Variants in OPCML observed in about 807,000 individuals in gnomAD.
OPCML encodes the protein opioid-binding protein/cell adhesion molecule.
A neutral mutation model predicts 37.8 loss-of-function variants in OPCML; 13 were observed. The observed-to-expected ratio is 0.34, with a 90% confidence interval of 0.22 to 0.55. The LOEUF (loss-of-function observed/expected upper bound fraction) is 0.55, where lower values mean the gene tolerates loss of function less well. Among genes scored for constraint, OPCML ranks in the 20% least tolerant of loss-of-function variants. The pLI, the probability that OPCML is intolerant of heterozygous loss-of-function variation, is 0.91. For synonymous variants in OPCML, 176 were observed against 168.8 expected (o/e 1.04, Z -0.33); for missense variants, 341 against 435.6 (o/e 0.78, Z 1.93).
chr11:132,694,821 C>T (rs977335672), intron 2 of OPCML, among the ~76,000 whole-genome samples: 5 of 152,166 alleles, frequency 3.3e-5, no homozygotes, highest in African/African-American at 1.2e-4. Flanking sequence ...GCAATTCTCC[C>T]CTTCCTTCCT....
chr11:133,228,357 TGTG>T (rs528575726), intron 1 of OPCML, among the ~76,000 whole-genome samples: 158 of 152,330 alleles, frequency 1.0e-3, no homozygotes, highest in South Asian at 3.3e-3. Flanking sequence ...AAAGGTTAAA[TGTG>T]GTGAAGGTCA....
At chr11:132,739,846 C>T (rs1258502862) in intron 2 of OPCML, among the ~76,000 whole-genome samples, 1 of 152,072 alleles carries the variant, frequency 6.6e-6, no homozygotes, top group Non-Finnish European at 1.5e-5. Context: ...AAAATCAATG[C>T]CTCTCTGGAC....
At chr11:133,163,298 G>A (rs1328484313) in intron 1 of OPCML, among the ~76,000 whole-genome samples, 2 of 152,192 alleles carry the variant, frequency 1.3e-5, no homozygotes, top group African/African-American at 4.8e-5. Context: ...AGACTCTGTG[G>A]AAGTGTTTGC....
chr11:132,778,836 G>A lies in OPCML; in HGVS notation c.147-121517C>T, dbSNP rs141090235. On this transcript the variant is annotated intron_variant, in intron 2 of 7. Transcript: ENST00000524381. Reference sequence around the variant, plus strand: ...TTAGCTCTAGGCCTCCCCACTGCCCGACTTAATATTTCATTGCCAATATAA... The same window carrying A: ...TTAGCTCTAGGCCTCCCCACTGCCCAACTTAATATTTCATTGCCAATATAA... Among the ~76,000 whole-genome samples, 751 of 152,002 alleles carry A rather than the reference G, an allele frequency of 4.9e-3. 5 individuals carry two copies. The highest frequency in any genetic ancestry group is 0.012 in the Admixed American group (187 of 15,272).
chr11:132,530,551 A>G (rs2137299986), intron 3 of OPCML, among the ~76,000 whole-genome samples: 1 of 152,234 alleles, frequency 6.6e-6, no homozygotes, highest in African/African-American at 2.4e-5. Context: ...TCACCCCAGA[A>G]TGGCCTACCA....
intron 1 of OPCML, among the ~76,000 whole-genome samples, chr11:133,282,186 A>C (rs562076344): frequency 6.6e-6 from 1 of 152,176 alleles, no homozygotes; most frequent in Non-Finnish European, 1.5e-5. Flanking sequence ...GCATTTCGAA[A>C]GTCTTTGGAA....
intron 1 of OPCML, among the ~76,000 whole-genome samples, chr11:133,098,610 C>A (rs977723769): frequency 2.6e-5 from 4 of 152,122 alleles, no homozygotes; most frequent in Non-Finnish European, 5.9e-5. Context: ...ATGCATTTTA[C>A]AAAATCCAAC....
chr11:132,442,820 G>A (rs891449604), intron 4 of OPCML, among the ~76,000 whole-genome samples: 1 of 152,280 alleles, frequency 6.6e-6, no homozygotes, highest in Admixed American at 6.5e-5. Context: ...CACTATGACT[G>A]TGAGGCTTCC....
chr11:132,735,260 T>C (rs1448880188), intron 2 of OPCML, among the ~76,000 whole-genome samples: 1 of 152,018 alleles, frequency 6.6e-6, no homozygotes, highest in East Asian at 1.9e-4. Flanking sequence ...GAGAGTGTAG[T>C]TGTGAAATCT....
chr11:132,829,395 A>G (rs559043051), intron 2 of OPCML, among the ~76,000 whole-genome samples: 5 of 152,360 alleles, frequency 3.3e-5, no homozygotes, highest in Non-Finnish European at 7.3e-5. Flanking sequence ...GAAACTGAGC[A>G]TGAATGAACA....
Position 133,486,998 on chromosome 11 carries a change from CCT to C in OPCML, c.61+45264_61+45265del, listed in dbSNP as rs1947541852. Among the ~76,000 whole-genome samples, 3 of 152,020 alleles carry C rather than the reference CCT, an allele frequency of 2.0e-5. No homozygotes were observed. The South Asian group carries it at 6.2e-4, about 32-fold the overall frequency. The stretch of plus-strand genomic sequence containing the variant: ...CCAAATCCATTAGCATCCCTCAACT[CCT>C]CTGATACTGCCATATTCCAGAGCCC... On this transcript the variant is annotated intron_variant, in intron 1 of 7. Transcript: ENST00000524381.
chr11:132,854,729 T>G (rs1359870779), intron 2 of OPCML, among the ~76,000 whole-genome samples: 2 of 152,274 alleles, frequency 1.3e-5, no homozygotes, highest in Admixed American at 1.3e-4. Context: ...TTTCACTAGT[T>G]GATAGACATC....
chr11:133,264,121 TG>T (rs1318191212), intron 1 of OPCML, among the ~76,000 whole-genome samples: 2 of 152,288 alleles, frequency 1.3e-5, no homozygotes, highest in Admixed American at 1.3e-4. Context: ...GTCAACCATT[TG>T]AGTTGCTGAG....
intron 3 of OPCML, among the ~76,000 whole-genome samples, chr11:132,640,438 G>A (rs986189128): frequency 1.2e-4 from 19 of 152,084 alleles, no homozygotes; most frequent in African/African-American, 4.6e-4. Flanking sequence ...GTAAAATATG[G>A]GAGTTGTAGT....
In OPCML at chr11:132,943,251, G is replaced by A. The variant is rs1014518670; in HGVS notation, c.62-241C>T. 4.6e-6 allele frequency: 5 copies of A among 1,082,710 alleles called. No homozygotes were observed. Among genetic ancestry groups the A allele is most frequent in the Non-Finnish European group, 6.5e-6 (5 of 763,686 alleles). 67.1% of individuals were successfully genotyped at this position (1,082,710 alleles called of 1,614,324 possible). A position where few individuals can be genotyped will look rare whatever the true frequency, so the allele number is the denominator to read the frequency against. The stretch of plus-strand genomic sequence containing the variant: ...AAGAGAGGAGTCCGGGCTCTCCGGA[G>A]TCTGAGAATTCTTCCTCAGATCCTG... On this transcript the variant is annotated intron_variant, in intron 1 of 7. Transcript: ENST00000524381. The surrounding 1 kb of genome is among the most constrained non-coding windows in gnomAD (Gnocchi z 4.3).
At chr11:133,483,040 A>G (rs1947412808) in intron 1 of OPCML, among the ~76,000 whole-genome samples, 2 of 152,198 alleles carry the variant, frequency 1.3e-5, no homozygotes, top group African/African-American at 4.8e-5. Flanking sequence ...TAGAATATAC[A>G]AAGAATGCAT....
chr11:133,010,013 C>G (rs1306895587), intron 1 of OPCML, among the ~76,000 whole-genome samples: 3 of 152,182 alleles, frequency 2.0e-5, no homozygotes, highest in Non-Finnish European at 4.4e-5. Flanking sequence ...TCGCCTCCCC[C>G]TAGTCCCTTT....
intron 1 of OPCML, among the ~76,000 whole-genome samples, chr11:133,187,406 G>A (rs1331133470): frequency 1.3e-5 from 2 of 152,106 alleles, no homozygotes; most frequent in Non-Finnish European, 2.9e-5. Flanking sequence ...CAGTGCATTG[G>A]TTTCAGGCCT....
intron 2 of OPCML, among the ~76,000 whole-genome samples, chr11:132,920,466 A>G (rs1345356767): frequency 1.3e-5 from 2 of 152,146 alleles, no homozygotes; most frequent in Admixed American, 6.5e-5. Flanking sequence ...GAAAAGCTAC[A>G]TCAGTTAAAA....
Sources: gnomAD v4.1 joint callset for allele counts (sites outside exome capture counted in the v4.1 genomes callset) on GRCh38, gnomAD v4.1.1 for gene constraint, Gnocchi (gnomAD v3.1) non-coding constraint, MANE v1.5 for transcripts, NCBI Gene and HGNC (gene_info 2026-07-23, HGNC 2026-07-21) for gene names.